The following KHDRBS2 variants were observed in gnomAD, a reference collection of about 807,000 sequenced individuals.
KHDRBS2 encodes the protein KH domain-containing, RNA-binding, signal transduction-associated protein 2.
In KHDRBS2, 26 loss-of-function variants were observed where a neutral mutation model predicts 44.3. The observed-to-expected ratio is 0.59, with a 90% CI of 0.43 to 0.81. The LOEUF is 0.81. Among genes scored for constraint, KHDRBS2 ranks in the 40% least tolerant of loss-of-function variants. The pLI is 0.00. For missense variants in KHDRBS2, 476 were observed against 433.1 expected (o/e 1.10, Z -0.88); for synonymous variants, 194 against 151.1 (o/e 1.28, Z -2.08).
At chr6:61,737,710 G>T (rs367672124) in intron 6 of KHDRBS2, among the ~76,000 whole-genome samples, 1 of 151,980 alleles carries the variant, frequency 6.6e-6, no homozygotes, top group African/African-American at 2.4e-5. Context: ...GCCATAAAAG[G>T]CATGGACTCC....
intron 2 of KHDRBS2, among the ~76,000 whole-genome samples, chr6:62,152,387 C>T (rs1267279512): frequency 1.3e-5 from 2 of 152,076 alleles, no homozygotes; most frequent in Non-Finnish European, 2.9e-5. Context: ...TGAGATAATA[C>T]AAATAAGTCA....
At chr6:62,259,628 A>C (rs1838001003) in intron 1 of KHDRBS2, among the ~76,000 whole-genome samples, 1 of 152,106 alleles carries the variant, frequency 6.6e-6, no homozygotes, top group East Asian at 1.9e-4. Flanking sequence ...TATGACAGAA[A>C]ACATTTCTCG....
the KHDRBS2 span, among the ~76,000 whole-genome samples, chr6:61,547,161 A>G: frequency 6.6e-6 from 1 of 152,144 alleles, no homozygotes; most frequent in Admixed American, 6.6e-5. Flanking sequence ...CTCCACACAG[A>G]CAGTGGCTCC....
intron 3 of KHDRBS2, among the ~76,000 whole-genome samples, chr6:61,989,568 T>A (rs1211608423): frequency 6.6e-6 from 1 of 152,150 alleles, no homozygotes; most frequent in Admixed American, 6.5e-5. Context: ...TATAAAAAAA[T>A]GTGAGATTTC....
the KHDRBS2 span, among the ~76,000 whole-genome samples, chr6:61,560,766 T>A: frequency 6.6e-6 from 1 of 152,210 alleles, no homozygotes; most frequent in African/African-American, 2.4e-5. Flanking sequence ...CTATTTTGAA[T>A]TCTCTTTCTG....
At chr6:61,629,685 C>A in the KHDRBS2 span, among the ~76,000 whole-genome samples, 1 of 152,178 alleles carries the variant, frequency 6.6e-6, no homozygotes, top group Middle Eastern at 3.4e-3. Flanking sequence ...ACATTCTGAA[C>A]CTGACTGATC....
intron 6 of KHDRBS2, among the ~76,000 whole-genome samples, chr6:61,798,992 T>G (rs774909764): frequency 2.0e-5 from 3 of 151,934 alleles, no homozygotes; most frequent in Admixed American, 1.3e-4. Context: ...ATATTTGATA[T>G]CCATCAAAAA....
chr6:61,774,873 A>C (rs1781676271), intron 6 of KHDRBS2, among the ~76,000 whole-genome samples: 1 of 152,178 alleles, frequency 6.6e-6, no homozygotes, highest in Admixed American at 6.5e-5. Context: ...CCTGATGAAC[A>C]TCAATGCAAA....
At chr6:62,157,898 A>C (rs1377281903) in intron 2 of KHDRBS2, among the ~76,000 whole-genome samples, 1 of 152,162 alleles carries the variant, frequency 6.6e-6, no homozygotes, top group Non-Finnish European at 1.5e-5. Flanking sequence ...ATCTTGATGC[A>C]TTTTCAAATG....
At chr6:61,550,461 C>A in the KHDRBS2 span, among the ~76,000 whole-genome samples, 3 of 152,112 alleles carry the variant, frequency 2.0e-5, no homozygotes, top group African/African-American at 4.8e-5. Flanking sequence ...TAGACTGATT[C>A]CATATCTTTG....
intron 6 of KHDRBS2, among the ~76,000 whole-genome samples, chr6:61,770,529 T>C (rs1259040971): frequency 6.6e-6 from 1 of 152,078 alleles, no homozygotes; most frequent in African/African-American, 2.4e-5. Context: ...ACGAGAGCTA[T>C]GTGACGAATG....
intron 3 of KHDRBS2, among the ~76,000 whole-genome samples, chr6:62,028,664 T>A (rs1783807542): frequency 6.6e-6 from 1 of 152,144 alleles, no homozygotes; most frequent in South Asian, 2.1e-4. Flanking sequence ...TAAATCATAT[T>A]TGGTTTTTAT....
intron 6 of KHDRBS2, among the ~76,000 whole-genome samples, chr6:61,799,667 T>TTA (rs963778539): frequency 2.4e-4 from 36 of 151,858 alleles, no homozygotes; most frequent in African/African-American, 6.5e-4. Context: ...CTCCATAGTG[T>TTA]TATATATATA....
At chr6:61,638,672 T>C in the KHDRBS2 span, among the ~76,000 whole-genome samples, 1 of 152,298 alleles carries the variant, frequency 6.6e-6, no homozygotes, top group East Asian at 1.9e-4. Flanking sequence ...GAGCTGTCAT[T>C]TGAAGATCTT....
chr6:62,127,566 G>T (rs1304410067), intron 2 of KHDRBS2, among the ~76,000 whole-genome samples: 1 of 151,018 alleles, frequency 6.6e-6, no homozygotes, highest in Non-Finnish European at 1.5e-5. Context: ...ACTACACTAA[G>T]TTTTTTTTTC....
chr6:61,926,888 G>T (rs558196770), intron 4 of KHDRBS2, among the ~76,000 whole-genome samples: 8 of 148,448 alleles, frequency 5.4e-5, no homozygotes, highest in East Asian at 2.0e-4. Flanking sequence ...TCTTAGTTAG[G>T]TTTTTTTTTT....
chr6:62,008,434 C>T (rs570458238), intron 3 of KHDRBS2, among the ~76,000 whole-genome samples: 1 of 152,230 alleles, frequency 6.6e-6, no homozygotes, highest in African/African-American at 2.4e-5. Context: ...ATGTACATAA[C>T]TTTTAGAATA....
intron 4 of KHDRBS2, among the ~76,000 whole-genome samples, chr6:61,960,710 G>T (rs1768487892): frequency 6.6e-6 from 1 of 152,046 alleles, no homozygotes; most frequent in Non-Finnish European, 1.5e-5. Flanking sequence ...CAAATTTCCT[G>T]CATGAAAATG....
chr6:61,956,381 T>A (rs549215152), intron 4 of KHDRBS2, among the ~76,000 whole-genome samples: 4 of 152,204 alleles, frequency 2.6e-5, no homozygotes, highest in Non-Finnish European at 5.9e-5. Flanking sequence ...AAACATCTCA[T>A]GATTCACTGA....
Sources: allele counts gnomAD v4.1 joint callset (sites outside exome capture counted in the v4.1 genomes callset), GRCh38; gene constraint gnomAD v4.1.1; transcripts MANE v1.5; gene names NCBI Gene and HGNC (gene_info 2026-07-23, HGNC 2026-07-21).